HOXA2: variants seen among roughly 807,000 people sequenced by gnomAD.
The protein encoded by HOXA2 is homeobox A2, also known as homeobox protein Hox-A2.
A neutral mutation model predicts 27.2 loss-of-function variants in HOXA2; 4 were observed. The ratio of observed to expected loss-of-function variants is 0.15; its 90% CI spans 0.07 to 0.34. HOXA2 has a LOEUF of 0.34. HOXA2 is among the 10% of genes least tolerant of loss of function. HOXA2 has a pLI of 1.00. For synonymous variants in HOXA2, 200 were observed against 202.8 expected (o/e 0.99, Z 0.12); for missense variants, 430 against 473.2 (o/e 0.91, Z 0.85).
At position 27,102,560 on chromosome 7, in the gene HOXA2, GGGCAAGGCCTAGGAAAAA is replaced by G; in HGVS notation, c.-78_-61del. The G allele has an allele frequency of 6.5e-7, 1 of 1,549,418 alleles. No individual in the cohort carries two copies. The highest frequency in any genetic ancestry group is 1.1e-5 in the South Asian group (1 of 89,724). On this transcript the variant is annotated 5_prime_UTR_variant, in exon 1 of 2. Transcript: ENST00000222718. This position sits in a 1 kb window ranked among gnomAD's most constrained non-coding sequence, Gnocchi z 4.6. ...TCCCTCTTTTGGAGGGGCTTTGGGG[GGGCAAGGCCTAGGAAAAA>G]GGCGAGCGCAGAGGAAAAAAAATCT...
intron 1 of HOXA2, 114 bp downstream of exon 1, chr7:27,101,996 C>T (rs968687096): frequency 8.2e-6 from 12 of 1,459,602 alleles, no homozygotes; most frequent in Non-Finnish European, 1.1e-5. Context: ...CCAAGCATCT[C>T]TCCCTCTCCT....
intron 1 of HOXA2, chr7:27,101,725 A>G: frequency 1.5e-6 from 1 of 660,338 alleles, no homozygotes; most frequent in Non-Finnish European, 2.7e-6. Context: ...ATTAGCCACA[A>G]CACAATTTAT....
At chr7:27,101,981 G>T (rs1450214095) in intron 1 of HOXA2, 129 bp downstream of exon 1, 1 of 1,364,388 alleles carries the variant, frequency 7.3e-7, no homozygotes, top group Non-Finnish European at 1.0e-6. Flanking sequence ...GCAGGGACAA[G>T]GCAACCAAGC....
At position 27,102,033 on chromosome 7, in the gene HOXA2, C is replaced by A. The variant is rs765847504; in HGVS notation, c.391+77G>T. 2 of 1,572,754 alleles carry A rather than the reference C, an allele frequency of 1.3e-6. No homozygotes were observed. The highest frequency in any genetic ancestry group is 4.5e-5 in the East Asian group (2 of 44,004). ...CTTCTCTCCCAGCCCACTCTCCCCT[C>A]CCCCCACAGCCACTCTCGGGGCAGC... is the stretch of plus-strand genomic sequence containing the variant. On this transcript the variant is annotated intron_variant, in intron 1 of 1. Coordinates refer to ENST00000222718, the MANE Select transcript of HOXA2 (RefSeq NM_006735.4). The surrounding 1 kb of genome is among the most constrained non-coding windows in gnomAD (Gnocchi z 4.6).
intron 1 of HOXA2, 199 bp from the exon 2 acceptor site, chr7:27,101,664 A>G: frequency 1.5e-6 from 1 of 688,854 alleles, no homozygotes; most frequent in Non-Finnish European, 2.6e-6. Context: ...ATCTCTATCG[A>G]ATTCATGCCT....
At position 27,102,227 on chromosome 7, in the gene HOXA2, G is replaced by T. The variant is rs1783941513; in HGVS notation, c.274C>A (p.Pro92Thr). Residue 92 changes from proline to threonine, a missense_variant, in exon 1 of 2, where the codon CCG becomes ACG. Physicochemically the swap from Pro to Thr is conservative, Grantham distance 38. Coordinates refer to ENST00000222718, the MANE Select transcript of HOXA2 (RefSeq NM_006735.4). This position sits in a 1 kb window ranked among gnomAD's most constrained non-coding sequence, Gnocchi z 4.6. ...GSPVPAGALQ[P>T]PEYPWMKEKK... ...TCCTTCATCCAGGGGTACTCGGGCG[G>T]CTGCAGGGCGCCGGCGGGCACCGGG... is the stretch of plus-strand genomic sequence containing the variant. The T allele has an allele frequency of 1.3e-6, 2 of 1,499,716 alleles. No homozygotes were observed. Among genetic ancestry groups the T allele is most frequent in the Admixed American group, 2.3e-5 (1 of 44,092 alleles). 92.9% of individuals were successfully genotyped at this position (1,499,716 alleles called of 1,614,324 possible). A position where few individuals can be genotyped will look rare whatever the true frequency, so the allele number is the denominator to read the frequency against.
chr7:27,102,383 A>C lies in HOXA2; in HGVS notation c.118T>G (p.Ser40Ala), dbSNP rs774846881. ...ATCAGTGTCGAGTGTGAAAGCGTCG[A>C]GGTCTTGATTGATGAACTTTGAAAT... ...DTFQSSSIKT[S>A]TLSHSTLIPP... Residue 40 changes from serine to alanine, a missense_variant, in exon 1 of 2, where the codon TCG becomes GCG. Ser to Ala is a moderately conservative substitution (Grantham distance 99, BLOSUM62 1). This residue lies in a region of HOXA2 where 166 missense variants were observed against 207.6 expected (regional missense o/e 0.80). Transcript: ENST00000222718. The surrounding 1 kb of genome is among the most constrained non-coding windows in gnomAD (Gnocchi z 4.6). 1 of 1,614,064 alleles carries C rather than the reference A, an allele frequency of 6.2e-7. No individual in the cohort carries two copies. Among genetic ancestry groups the C allele is most frequent in the Non-Finnish European group, 8.5e-7 (1 of 1,179,964 alleles).
Position 27,101,058 on chromosome 7 carries a change from C to G in HOXA2, c.799G>C (p.Gly267Arg). ...GAGACTGGGAAACTTTGGGAGTCGC[C>G]ATTGTGTCCATTGGGAGCCTGCTGC... The part of the protein sequence containing the change: ...SQQQAPNGHN[G>R]DSQSFPVSPL... Residue 267 changes from glycine to arginine, a missense_variant, in exon 2 of 2, where the codon GGC (glycine) becomes CGC (arginine). Coordinates refer to ENST00000222718, the MANE Select transcript of HOXA2 (RefSeq NM_006735.4). 6.2e-7 allele frequency: 1 copy of G among 1,614,178 alleles called. No individual in the cohort carries two copies. The highest frequency in any genetic ancestry group is 8.5e-7 in the Non-Finnish European group (1 of 1,180,026).
Position 27,101,000 on chromosome 7 carries a change from T to C in HOXA2, c.857A>G (p.His286Arg). 6.2e-7 allele frequency: 1 copy of C among 1,614,198 alleles called. No homozygotes were observed. Among genetic ancestry groups the C allele is most frequent in the Non-Finnish European group, 8.5e-7 (1 of 1,180,040 alleles). ...PLTSNEKNLK[H>R]FQHQSPTVPN... ...AACAGTGGGTGACTGGTGCTGAAAA[T>C]GTTTCAGATTTTTCTCATTGCTGGT... The change falls in exon 2 of 2, where the codon CAT becomes CGT. Residue 286 changes from histidine (H) to arginine (R), a missense_variant. By Grantham distance (29) the His-to-Arg change is conservative (BLOSUM62 0). Coordinates refer to ENST00000222718, the MANE Select transcript of HOXA2 (RefSeq NM_006735.4).
Position 27,102,612 on chromosome 7 carries a change from A to G in HOXA2, c.-112T>C, listed in dbSNP as rs1163580359. On this transcript the variant is annotated 5_prime_UTR_variant, in exon 1 of 2. Transcript: ENST00000222718. This position sits in a 1 kb window ranked among gnomAD's most constrained non-coding sequence, Gnocchi z 4.6. ...CAGAGGAAAAAAAATCTATCATAGA[A>G]TATCGCTGCTAGGGTGTTTTTTTTC... is the stretch of plus-strand genomic sequence containing the variant. The G allele has an allele frequency of 9.7e-7, 1 of 1,028,384 alleles. No homozygotes were observed. The highest frequency in any genetic ancestry group is 1.5e-6 in the Non-Finnish European group (1 of 678,996). The allele number at this position is 1,028,384 out of a possible 1,614,324, so 63.7% of individuals were successfully genotyped here.
rs138070555 is a variant in HOXA2 at position 27,100,816 on chromosome 7, G to A, written c.1041C>T (p.Ser347=). ...CTGAAATATCTACGGGACTGTCGAGGGAACCTGGCAAACTGGGTGAAACTG... is the reference window on the plus strand; with the variant it reads ...CTGAAATATCTACGGGACTGTCGAGAGAACCTGGCAAACTGGGTGAAACTG... ...SDAVSPSLPG[S]LDSPVDISAD... The change falls in exon 2 of 2, where the codon TCC becomes TCT. Residue 347 remains serine, a synonymous_variant. Transcript: ENST00000222718. 5.0e-6 allele frequency: 8 copies of A among 1,614,090 alleles called. No homozygotes were observed. In the African/African-American group the frequency reaches 9.3e-5, roughly 19 times the overall value.
intron 1 of HOXA2, chr7:27,101,872 C>A: frequency 1.4e-6 from 1 of 715,544 alleles, no homozygotes; most frequent in Non-Finnish European, 2.5e-6. Flanking sequence ...TACACAAGTT[C>A]GGGAAAGTTT....
Position 27,101,242 on chromosome 7 carries a change from C to A in HOXA2, c.615G>T (p.Lys205Asn). ...ATTTCCCTTCGCTGTTTTGGTTTTC[C>A]TTGCACTGGGTCTGCCTCTTGTGCT... is the stretch of plus-strand genomic sequence containing the variant. ...RMKHKRQTQCKENQNSEGKCK... is the reference protein window; with the variant it reads ...RMKHKRQTQCNENQNSEGKCK... Residue 205 changes from lysine (K) to asparagine (N), a missense_variant, in exon 2 of 2, where the codon AAG becomes AAT. Around this residue, in one of 4 missense-constraint regions of HOXA2, gnomAD observed 236 missense variants for 208.5 expected, o/e 1.13. Coordinates refer to ENST00000222718, the MANE Select transcript of HOXA2 (RefSeq NM_006735.4). 1 of 1,614,166 alleles carries A rather than the reference C, an allele frequency of 6.2e-7. No individual in the cohort carries two copies. The highest frequency in any genetic ancestry group is 1.1e-5 in the South Asian group (1 of 91,084).
Position 27,101,252 on chromosome 7 carries a change from G to C in HOXA2, c.605C>G (p.Thr202Ser). 6.2e-7 allele frequency: 1 copy of C among 1,614,128 alleles called. No individual in the cohort carries two copies. The highest frequency in any genetic ancestry group is 8.5e-7 in the Non-Finnish European group (1 of 1,180,016). The change falls in exon 2 of 2, where the codon ACC becomes AGC. Residue 202 changes from threonine to serine, a missense_variant. Around this residue, in one of 4 missense-constraint regions of HOXA2, gnomAD observed 236 missense variants for 208.5 expected, o/e 1.13. Transcript: ENST00000222718. ...QNRRMKHKRQ[T>S]QCKENQNSEG... ...GCTGTTTTGGTTTTCCTTGCACTGGGTCTGCCTCTTGTGCTTCATCCTCCG... is the reference window on the plus strand; with the variant it reads ...GCTGTTTTGGTTTTCCTTGCACTGGCTCTGCCTCTTGTGCTTCATCCTCCG...
Position 27,100,623 on chromosome 7 carries a change from A to G in HOXA2, c.*103T>C. ...TCAACACTTAAAGGAGGGAAGGGGTAGGTCAAGAAGAAAATAAAAAATAAA... is the reference window on the plus strand; with the variant it reads ...TCAACACTTAAAGGAGGGAAGGGGTGGGTCAAGAAGAAAATAAAAAATAAA... On this transcript the variant is annotated 3_prime_UTR_variant, in exon 2 of 2. Coordinates refer to ENST00000222718, the MANE Select transcript of HOXA2 (RefSeq NM_006735.4). 4 of 1,216,790 alleles carry G rather than the reference A, an allele frequency of 3.3e-6. No individual in the cohort carries two copies. Among genetic ancestry groups the G allele is most frequent in the Non-Finnish European group, 4.8e-6 (4 of 828,964 alleles). The allele number at this position is 1,216,790 out of a possible 1,614,324, so 75.4% of individuals were successfully genotyped here. A position where few individuals can be genotyped will look rare whatever the true frequency, so the allele number is the denominator to read the frequency against.
intron 1 of HOXA2, chr7:27,101,763 C>G: frequency 1.5e-6 from 1 of 678,062 alleles, no homozygotes; most frequent in Non-Finnish European, 2.7e-6. Flanking sequence ...CTTAGCTGAG[C>G]AAGAGCGATC....
chr7:27,100,535 A>G lies in HOXA2; in HGVS notation c.*191T>C, dbSNP rs1783907553. On this transcript the variant is annotated 3_prime_UTR_variant, in exon 2 of 2. Transcript: ENST00000222718. Reference sequence around the variant, plus strand: ...TAGGTTTAAAACAACTAAAACTCCAAAATAATCTGTAAAAGATGGCTCTGT... The same window carrying G: ...TAGGTTTAAAACAACTAAAACTCCAGAATAATCTGTAAAAGATGGCTCTGT... 5 of 647,348 alleles carry G rather than the reference A, an allele frequency of 7.7e-6. No individual in the cohort carries two copies. In the Admixed American group the frequency reaches 8.8e-5, roughly 11 times the overall value. The allele number at this position is 647,348 out of a possible 1,614,324, so 40.1% of individuals were successfully genotyped here.
At position 27,102,193 on chromosome 7, in the gene HOXA2, G is replaced by A; in HGVS notation, c.308C>T (p.Ala103Val). ...PEYPWMKEKK[A>V]AKKTALLPAA... Reference sequence around the variant, plus strand: ...CGGCAGAAGTGCGGTTTTCTTGGCCGCCTTCTTCTCCTTCATCCAGGGGTA... The same window carrying A: ...CGGCAGAAGTGCGGTTTTCTTGGCCACCTTCTTCTCCTTCATCCAGGGGTA... The change falls in exon 1 of 2, where the codon GCG (alanine) becomes GTG (valine). Residue 103 changes from alanine (A) to valine (V), a missense_variant. By Grantham distance (64) the Ala-to-Val change is moderately conservative. Transcript: ENST00000222718. The surrounding 1 kb of genome is among the most constrained non-coding windows in gnomAD (Gnocchi z 4.6). 3.9e-6 allele frequency: 6 copies of A among 1,552,362 alleles called. No individual in the cohort carries two copies. Among genetic ancestry groups the A allele is most frequent in the Non-Finnish European group, 4.4e-6 (5 of 1,148,552 alleles).
Position 27,100,557 on chromosome 7 carries a change from CTGTT to C in HOXA2, c.*165_*168del. 1.4e-6 allele frequency: 1 copy of C among 698,240 alleles called. No homozygotes were observed. Among genetic ancestry groups the C allele is most frequent in the Non-Finnish European group, 2.4e-6 (1 of 414,144 alleles). The allele number at this position is 698,240 out of a possible 1,614,324, so 43.3% of individuals were successfully genotyped here. ...CCAAAATAATCTGTAAAAGATGGCT[CTGTT>C]TGAAACTGGGTCAGGGAATCACTAA... On this transcript the variant is annotated 3_prime_UTR_variant, in exon 2 of 2. Coordinates refer to ENST00000222718, the MANE Select transcript of HOXA2 (RefSeq NM_006735.4).
Sources: gnomAD v4.1 joint callset for allele counts on GRCh38, gnomAD v4.1.1 for gene constraint, gnomAD v4.1.1 regional missense constraint, Gnocchi (gnomAD v3.1) non-coding constraint, MANE v1.5 for transcripts, NCBI Gene and HGNC (gene_info 2026-07-23, HGNC 2026-07-21) for gene names.